Variants in UBAC2 observed in about 807,000 individuals in gnomAD.
UBAC2 encodes ubiquitin-associated domain-containing protein 2.
A neutral mutation model predicts 44.0 loss-of-function variants in UBAC2; 26 were observed. The observed-to-expected ratio is 0.59, with a 90% CI of 0.43 to 0.82. UBAC2 has a LOEUF of 0.82. Ranked by LOEUF, UBAC2 falls within the 40% of genes least tolerant of loss-of-function variation. UBAC2 has a pLI of 0.00. For missense variants in UBAC2, 329 were observed against 419.4 expected, an observed-to-expected ratio of 0.78 and a Z score of 1.88; for synonymous variants, 155 against 154.3, an observed-to-expected ratio of 1.00 and a Z score of -0.04.
intron 1 of UBAC2, among the ~76,000 whole-genome samples, chr13:99,221,593 T>C (rs1186471988): frequency 6.6e-6 from 1 of 152,234 alleles, no homozygotes; most frequent in African/African-American, 2.4e-5. Flanking sequence ...TGGTTTTTTG[T>C]TCCTATTTCT....
intron 7 of UBAC2, among the ~76,000 whole-genome samples, chr13:99,346,065 T>G (rs1012601323): frequency 2.6e-5 from 4 of 152,194 alleles, no homozygotes; most frequent in Non-Finnish European, 5.9e-5. Flanking sequence ...CTTTGCTAAA[T>G]TTGTTTCCCT....
At chr13:99,345,661 C>T (rs889020788) in intron 7 of UBAC2, among the ~76,000 whole-genome samples, 7 of 152,030 alleles carry the variant, frequency 4.6e-5, no homozygotes, top group East Asian at 1.9e-4. Context: ...GGCTCCAGAC[C>T]GAAATATCCT....
chr13:99,365,843 A>T (rs2138890787), intron 7 of UBAC2, among the ~76,000 whole-genome samples: 1 of 152,286 alleles, frequency 6.6e-6, no homozygotes, highest in East Asian at 1.9e-4. Flanking sequence ...CTGAAAATTA[A>T]ATATATGTCT....
intron 2 of UBAC2, among the ~76,000 whole-genome samples, chr13:99,241,457 C>T (rs1191158678): frequency 2.0e-5 from 3 of 151,996 alleles, no homozygotes; most frequent in Non-Finnish European, 4.4e-5. Flanking sequence ...TACCATGAAC[C>T]TTGAAAATAT....
chr13:99,224,522 A>G (rs2043089232), intron 1 of UBAC2, among the ~76,000 whole-genome samples: 1 of 152,154 alleles, frequency 6.6e-6, no homozygotes, highest in African/African-American at 2.4e-5. Flanking sequence ...TTTTTGCTTC[A>G]TTGAAATCCT....
intron 1 of UBAC2, among the ~76,000 whole-genome samples, chr13:99,233,992 T>C (rs2142715851): frequency 6.6e-6 from 1 of 152,030 alleles, no homozygotes; most frequent in East Asian, 1.9e-4. Context: ...ATTATTCTTA[T>C]TTTCAGTTGC....
chr13:99,248,678 C>T (rs571609802), intron 4 of UBAC2, among the ~76,000 whole-genome samples: 16 of 151,976 alleles, frequency 1.1e-4, no homozygotes, highest in South Asian at 1.0e-3. Flanking sequence ...CCACTGTATC[C>T]GGCCATTTTT....
intron 4 of UBAC2, among the ~76,000 whole-genome samples, chr13:99,260,258 C>T (rs895252467): frequency 6.6e-6 from 1 of 152,206 alleles, no homozygotes; most frequent in African/African-American, 2.4e-5. Context: ...CCTGTAGTGG[C>T]ACATGTTTGC....
At chr13:99,210,280 C>T (rs2042922445) in intron 1 of UBAC2, among the ~76,000 whole-genome samples, 3 of 152,126 alleles carry the variant, frequency 2.0e-5, no homozygotes, top group Admixed American at 2.0e-4. Context: ...TGTAGGAAAG[C>T]ACTAGGAAGA....
intron 1 of UBAC2, among the ~76,000 whole-genome samples, chr13:99,208,533 A>G (rs914162477): frequency 1.3e-5 from 2 of 152,258 alleles, no homozygotes; most frequent in African/African-American, 4.8e-5. Context: ...TTTAAAAATT[A>G]AAAGTGTCCA....
chr13:99,272,486 T>C (rs2043828517), intron 4 of UBAC2, among the ~76,000 whole-genome samples: 1 of 152,194 alleles, frequency 6.6e-6, no homozygotes, highest in Non-Finnish European at 1.5e-5. Context: ...ATGAGTGTCT[T>C]AGTAAACTCG....
At chr13:99,224,796 G>A (rs1351306551) in intron 1 of UBAC2, among the ~76,000 whole-genome samples, 1 of 152,172 alleles carries the variant, frequency 6.6e-6, no homozygotes, top group African/African-American at 2.4e-5. Flanking sequence ...ACTTAAATGT[G>A]CATTGTTATT....
At chr13:99,208,937 AC>A (rs1441217501) in intron 1 of UBAC2, among the ~76,000 whole-genome samples, 1 of 151,806 alleles carries the variant, frequency 6.6e-6, no homozygotes, top group Non-Finnish European at 1.5e-5. Flanking sequence ...TATTTTGGTG[AC>A]TCCTCAGCAC....
rs180809708 is a variant in UBAC2, at chr13:99,260,683, C to G, written c.389+16059C>G. 7.2e-5 allele frequency among the ~76,000 whole-genome samples: 11 copies of G among 152,266 alleles called. No individual in the cohort carries two copies. In the East Asian group the frequency reaches 1.9e-3, roughly 27 times the overall value. Reference sequence around the variant, plus strand: ...AAGGATTCAACTTGTATAATGTAGACACAAGTTTCTTTAATACTTGAACCT... The same window carrying G: ...AAGGATTCAACTTGTATAATGTAGAGACAAGTTTCTTTAATACTTGAACCT... On this transcript the variant is annotated intron_variant, in intron 4 of 8. Transcript: ENST00000403766.
chr13:99,214,299 G>A (rs1455153205), intron 1 of UBAC2, among the ~76,000 whole-genome samples: 1 of 149,440 alleles, frequency 6.7e-6, no homozygotes, highest in Non-Finnish European at 1.5e-5. Context: ...GTGAACTTCT[G>A]GATCTTGCTT....
chr13:99,230,419 A>T (rs1346198781), intron 1 of UBAC2, among the ~76,000 whole-genome samples: 1 of 152,048 alleles, frequency 6.6e-6, no homozygotes, highest in Non-Finnish European at 1.5e-5. Flanking sequence ...CAGTGAGCTG[A>T]GATCACGCCA....
chr13:99,323,559 C>G (rs61970332), intron 6 of UBAC2, among the ~76,000 whole-genome samples: 4,667 of 152,272 alleles, frequency 0.031, 96 homozygotes, highest in Middle Eastern at 0.13. Flanking sequence ...AAGAAGCATC[C>G]AAATTTGGAG....
intron 6 of UBAC2, among the ~76,000 whole-genome samples, chr13:99,332,764 C>A (rs1047138226): frequency 2.0e-5 from 3 of 152,246 alleles, no homozygotes; most frequent in South Asian, 2.1e-4. Flanking sequence ...GCCACTGCTG[C>A]CTTCTTTTTC....
rs374583538 is a variant in UBAC2, at chr13:99,344,418, ATCT to A, written c.807+3861_807+3863del. ...GGGTTAAGTTAGAACTTTTGCTTCCATCTTCTTCTTTATGTTTCAAATACATGT... is the reference window on the plus strand; with the variant it reads ...GGGTTAAGTTAGAACTTTTGCTTCCATCTTCTTTATGTTTCAAATACATGT... On this transcript the variant is annotated intron_variant, in intron 7 of 8. Coordinates refer to ENST00000403766, the MANE Select transcript of UBAC2 (RefSeq NM_001144072.2). Among the ~76,000 whole-genome samples, 266 of 152,280 alleles carry A rather than the reference ATCT, an allele frequency of 1.7e-3. 2 individuals are homozygous for A. Among genetic ancestry groups the A allele is most frequent in the African/African-American group, 6.1e-3 (254 of 41,552 alleles).
Sources: allele counts gnomAD v4.1 joint callset (sites outside exome capture counted in the v4.1 genomes callset), GRCh38; gene constraint gnomAD v4.1.1; transcripts MANE v1.5; gene names NCBI Gene and HGNC (gene_info 2026-07-23, HGNC 2026-07-21).